The following SLC7A14 variants were observed in gnomAD, a reference collection of about 807,000 sequenced individuals.
The protein encoded by SLC7A14 is solute carrier family 7 member 14.
In SLC7A14, 37 loss-of-function variants were observed where a neutral mutation model predicts 60.2. The ratio of observed to expected loss-of-function variants is 0.61; its 90% CI spans 0.47 to 0.81. The LOEUF (loss-of-function observed/expected upper bound fraction) is 0.81. Among genes scored for constraint, SLC7A14 ranks in the 30% least tolerant of loss-of-function variants. The pLI, the probability that SLC7A14 is intolerant of heterozygous loss-of-function variation, is 0.00. For synonymous variants in SLC7A14, 399 were observed against 395.8 expected, an observed-to-expected ratio of 1.01 and a Z score of -0.10; for missense variants, 886 against 982.7, an observed-to-expected ratio of 0.90 and a Z score of 1.32.
intron 2 of SLC7A14, among the ~76,000 whole-genome samples, chr3:170,525,717 A>G (rs1713472342): frequency 6.6e-6 from 1 of 152,230 alleles, no homozygotes; most frequent in African/African-American, 2.4e-5. Context: ...CGTGACAGGG[A>G]ATGAGAAGCT....
chr3:170,489,241 G>A (rs1016164056), intron 4 of SLC7A14, among the ~76,000 whole-genome samples: 7 of 152,052 alleles, frequency 4.6e-5, no homozygotes, highest in African/African-American at 1.7e-4. Flanking sequence ...GAATATATAA[G>A]GAGCTCAAAC....
At chr3:170,471,051 CTTGTT>C (rs1739886763) in intron 7 of SLC7A14, among the ~76,000 whole-genome samples, 1 of 150,942 alleles carries the variant, frequency 6.6e-6, no homozygotes, top group East Asian at 1.9e-4. Context: ...CAAACAGTAT[CTTGTT>C]TTGTTTAGAC....
intron 1 of SLC7A14, among the ~76,000 whole-genome samples, chr3:170,568,786 T>C (rs984912337): frequency 1.3e-5 from 2 of 152,122 alleles, no homozygotes; most frequent in African/African-American, 4.8e-5. Flanking sequence ...TGAATGGGAG[T>C]TCACTCATGA....
intron 2 of SLC7A14, among the ~76,000 whole-genome samples, chr3:170,521,651 G>A (rs540191399): frequency 4.3e-4 from 66 of 152,292 alleles, no homozygotes; most frequent in African/African-American, 1.4e-3. Context: ...AGGGCTAGGC[G>A]TGGGCTCATG....
intron 1 of SLC7A14, among the ~76,000 whole-genome samples, chr3:170,562,882 T>C (rs1201194476): frequency 6.6e-6 from 1 of 152,072 alleles, no homozygotes; most frequent in Non-Finnish European, 1.5e-5. Flanking sequence ...TGACTCAGCC[T>C]CCTGAGTAGC....
In SLC7A14 at chr3:170,467,040, A is replaced by T. The variant is rs762724226; in HGVS notation, c.*15T>A. 1.3e-6 allele frequency: 2 copies of T among 1,574,248 alleles called. No individual in the cohort carries two copies. The highest frequency in any genetic ancestry group is 1.2e-5 in the South Asian group (1 of 84,966). The stretch of plus-strand genomic sequence containing the variant: ...AAATCAGTCATCACCATTTCTACCC[A>T]CTTGTGTGTTTCTCCTACTCTGGAG... On this transcript the variant is annotated 3_prime_UTR_variant, in exon 8 of 8. Coordinates refer to ENST00000231706, the MANE Select transcript of SLC7A14 (RefSeq NM_020949.3).
In SLC7A14 at chr3:170,507,494, G is replaced by A. The variant is rs533576475; in HGVS notation, c.305-6149C>T. The stretch of plus-strand genomic sequence containing the variant: ...GAGACTGGGGGAGGGAGCCTTTTAA[G>A]CTACTTCTTGGAGGGTAAGCTGGGC... On this transcript the variant is annotated intron_variant, in intron 2 of 7. Transcript: ENST00000231706. Among the ~76,000 whole-genome samples, 58 of 152,256 alleles carry A rather than the reference G, an allele frequency of 3.8e-4. 1 individual carries two copies. The highest frequency in any genetic ancestry group is 1.3e-3 in the African/African-American group (56 of 41,550).
rs546887463 is a variant in SLC7A14, at chr3:170,489,092, G to A, written c.760-2724C>T. Among the ~76,000 whole-genome samples, 34 of 152,302 alleles carry A rather than the reference G, an allele frequency of 2.2e-4. No homozygotes were observed. The East Asian group carries it at 4.4e-3, about 20-fold the overall frequency. On this transcript the variant is annotated intron_variant, in intron 4 of 7. Transcript: ENST00000231706. ...TACCCCACAAGCACAGGCAGCCAAA[G>A]CAAAAATGGACAAATGGAATCACAT...
intron 2 of SLC7A14, among the ~76,000 whole-genome samples, chr3:170,507,533 A>C (rs896272675): frequency 1.3e-5 from 2 of 152,092 alleles, no homozygotes; most frequent in South Asian, 2.1e-4. Flanking sequence ...GCCAGTCAGA[A>C]AAAAAATAGA....
intron 7 of SLC7A14, among the ~76,000 whole-genome samples, chr3:170,475,866 C>T (rs1711595387): frequency 6.6e-6 from 1 of 152,250 alleles, no homozygotes; most frequent in East Asian, 1.9e-4. Context: ...GTGCCCGCCA[C>T]CACGCCTGGC....
At chr3:170,529,351 A>T (rs1048247711) in intron 1 of SLC7A14, among the ~76,000 whole-genome samples, 1 of 152,250 alleles carries the variant, frequency 6.6e-6, no homozygotes, top group East Asian at 1.9e-4. Context: ...ATGTTTTCCC[A>T]CATCAATAGT....
chr3:170,501,013 T>C, intron 3 of SLC7A14, 96 bp downstream of exon 3: 1 of 1,105,024 alleles, frequency 9.0e-7, no homozygotes, highest in South Asian at 1.3e-5. Context: ...TTTAAGGCTT[T>C]TGATACATTT....
chr3:170,512,201 G>A (rs1490115736), intron 2 of SLC7A14, among the ~76,000 whole-genome samples: 2 of 152,188 alleles, frequency 1.3e-5, no homozygotes, highest in South Asian at 2.1e-4. Context: ...ACAATGGGCT[G>A]GGTTCAAGGT....
Position 170,581,717 on chromosome 3 carries a change from T to G in SLC7A14, c.-153+4194A>C, listed in dbSNP as rs376643391. Among the ~76,000 whole-genome samples, 15 of 152,294 alleles carry G rather than the reference T, an allele frequency of 9.8e-5. No homozygotes were observed. The South Asian group carries it at 2.7e-3, about 27-fold the overall frequency. ...TAAACCATTGCAGATTCAATCATGC[T>G]CCTTACAAAGTACTTTCGTATACCT... On this transcript the variant is annotated intron_variant, in intron 1 of 7. Coordinates refer to ENST00000231706, the MANE Select transcript of SLC7A14 (RefSeq NM_020949.3).
chr3:170,507,271 G>C lies in SLC7A14; in HGVS notation c.305-5926C>G, dbSNP rs147358896. Among the ~76,000 whole-genome samples, 173 of 152,318 alleles carry C rather than the reference G, an allele frequency of 1.1e-3. 1 individual carries two copies. The highest frequency in any genetic ancestry group is 3.9e-3 in the African/African-American group (161 of 41,570). ...TGGCTATGAAATGAGGAAGTGCAAT[G>C]AATGACAGAGACACAAATGGTAAGA... On this transcript the variant is annotated intron_variant, in intron 2 of 7. Transcript: ENST00000231706.
chr3:170,544,325 A>T (rs1485481666), intron 1 of SLC7A14, among the ~76,000 whole-genome samples: 1 of 152,048 alleles, frequency 6.6e-6, no homozygotes, highest in Non-Finnish European at 1.5e-5. Flanking sequence ...AGCAGAAAAA[A>T]GGTAAAATAG....
intron 1 of SLC7A14, among the ~76,000 whole-genome samples, chr3:170,583,655 T>G (rs1002860021): frequency 6.6e-6 from 1 of 152,232 alleles, no homozygotes; most frequent in African/African-American, 2.4e-5. Context: ...AGTTCTAAAA[T>G]TCAACAGTAT....
chr3:170,570,644 A>G (rs144939158), intron 1 of SLC7A14, among the ~76,000 whole-genome samples: 89 of 152,238 alleles, frequency 5.8e-4, no homozygotes, highest in Non-Finnish European at 1.1e-3. Context: ...AGAGACAACT[A>G]TTTATTTACA....
chr3:170,498,993 C>CGCCTGTAATCCCAGCACTT, intron 3 of SLC7A14, 109 bp from the exon 4 acceptor site: 1 of 1,011,992 alleles, frequency 9.9e-7, no homozygotes, highest in Non-Finnish European at 1.5e-6. Context: ...GGGCAGTAAA[C>CGCCTGTAATCCCAGCACTT]TGGGAGGCCG....
Sources: gnomAD v4.1 joint callset for allele counts (sites outside exome capture counted in the v4.1 genomes callset) on GRCh38, gnomAD v4.1.1 for gene constraint, MANE v1.5 for transcripts, NCBI Gene and HGNC (gene_info 2026-07-23, HGNC 2026-07-21) for gene names.